The following DHRSX variants were observed in gnomAD, a reference collection of about 807,000 sequenced individuals.
DHRSX encodes polyprenol dehydrogenase.
Under a neutral mutation model 34.0 loss-of-function variants are expected in DHRSX, and 31 were observed. The ratio of observed to expected loss-of-function variants is 0.91; its 90% confidence interval spans 0.69 to 1.23. The LOEUF (loss-of-function observed/expected upper bound fraction) is 1.23. Among genes scored for constraint, DHRSX ranks in the 50% most tolerant of loss-of-function variants. The probability of loss-of-function intolerance (pLI) is 0.00; values close to 1 mark genes in which losing one functional copy is unlikely to be tolerated. For missense variants in DHRSX, 414 were observed against 428.1 expected, an observed-to-expected ratio of 0.97 and a Z score of 0.29; for synonymous variants, 201 against 183.8, an observed-to-expected ratio of 1.09 and a Z score of -0.76.
At position 2,440,954 on chromosome X, in the gene DHRSX, T is replaced by C. The variant is rs181777813; in HGVS notation, c.110-15650A>G. 7.4e-3 allele frequency among the ~76,000 whole-genome samples: 1,131 copies of C among 152,286 alleles called. 33 individuals are homozygous for C. The highest frequency in any genetic ancestry group is 0.028 in the East Asian group (147 of 5,164). ...AGCAACGCTGTAACCAGCCCTGTCC[T>C]GACTGAGGCAGCCGAATGAGAATCA... On this transcript the variant is annotated intron_variant, in intron 1 of 6. Coordinates refer to ENST00000334651, the MANE Select transcript of DHRSX (RefSeq NM_145177.3).
chrX:2,437,696 A>AGTGTGTGTGT (rs1321073330), intron 1 of DHRSX, among the ~76,000 whole-genome samples: 1 of 92,266 alleles, frequency 1.1e-5, no homozygotes, highest in African/African-American at 4.0e-5. Context: ...AGAGAGAGAG[A>AGTGTGTGTGT]GAGTGTGTGT....
chrX:2,401,829 G>A (rs1268949894), intron 3 of DHRSX, among the ~76,000 whole-genome samples: 1 of 152,184 alleles, frequency 6.6e-6, no homozygotes, highest in Non-Finnish European at 1.5e-5. Flanking sequence ...GTGATGATAA[G>A]GAGTGAAAAC....
At position 2,376,160 on chromosome X, in the gene DHRSX, C is replaced by A. The variant is rs1569495181; in HGVS notation, c.286+32585G>T. Among the ~76,000 whole-genome samples, 2 of 137,504 alleles carry A rather than the reference C, an allele frequency of 1.5e-5. 1 individual carries two copies. The highest frequency in any genetic ancestry group is 3.4e-5 in the Non-Finnish European group (2 of 58,396). 90.2% of individuals were successfully genotyped at this position (137,504 alleles called of 152,430 possible). On this transcript the variant is annotated intron_variant, in intron 3 of 6. Transcript: ENST00000334651. ...GAGGAAACGCAGAATTTGGCGAACA[C>A]GTGAAGTCTTTTTTCGCTAAATCTA...
Position 2,484,900 on chromosome X carries a change from C to T in DHRSX, c.109+15917G>A, listed in dbSNP as rs181556824. Reference sequence around the variant, plus strand: ...CAAATGAACGTCACCACCGAGATTTCGGCACCCCAGAAACAGCCCAACCGG... The same window carrying T: ...CAAATGAACGTCACCACCGAGATTTTGGCACCCCAGAAACAGCCCAACCGG... On this transcript the variant is annotated intron_variant, in intron 1 of 6. Transcript: ENST00000334651. Among the ~76,000 whole-genome samples the T allele has an allele frequency of 2.1e-3, 322 of 152,214 alleles. 5 individuals carry two copies. Among genetic ancestry groups the T allele is most frequent in the Admixed American group, 2.0e-3 (30 of 15,288 alleles).
intron 1 of DHRSX, among the ~76,000 whole-genome samples, chrX:2,464,371 G>A (rs773812125): frequency 2.9e-5 from 2 of 68,854 alleles, no homozygotes. Context: ...ACACACTGAA[G>A]ACGTTCCCTA....
intron 5 of DHRSX, 52 bp downstream of exon 5, chrX:2,266,687 TA>T: frequency 1.3e-6 from 2 of 1,560,224 alleles, no homozygotes; most frequent in Non-Finnish European, 1.8e-6. Context: ...GGGAGATGAA[TA>T]ACCTTTAACC....
intron 1 of DHRSX, among the ~76,000 whole-genome samples, chrX:2,435,930 C>T (rs1463571591): frequency 6.6e-6 from 1 of 152,208 alleles, no homozygotes; most frequent in Non-Finnish European, 1.5e-5. Context: ...CGCAGTGGCT[C>T]ACGCCTGTAA....
rs1359437987 is a variant in DHRSX, at chrX:2,449,121, G to A, written c.110-23817C>T. Among the ~76,000 whole-genome samples, 8 of 152,108 alleles carry A rather than the reference G, an allele frequency of 5.3e-5. No individual in the cohort carries two copies. The East Asian group carries it at 1.5e-3, about 29-fold the overall frequency. On this transcript the variant is annotated intron_variant, in intron 1 of 6. Coordinates refer to ENST00000334651, the MANE Select transcript of DHRSX (RefSeq NM_145177.3). Reference sequence around the variant, plus strand: ...GGAGAATGGCTTGAACCCAGGAGGTGGAGGTTGCAGTGAGCTAAGATCGCA... The same window carrying A: ...GGAGAATGGCTTGAACCCAGGAGGTAGAGGTTGCAGTGAGCTAAGATCGCA...
At chrX:2,288,934 T>A (rs760955471) in intron 4 of DHRSX, among the ~76,000 whole-genome samples, 1 of 152,162 alleles carries the variant, frequency 6.6e-6, no homozygotes, top group African/African-American at 2.4e-5. Context: ...AGGAATGCAA[T>A]AGCCATTTCA....
chrX:2,259,489 T>C (rs1382964787), intron 5 of DHRSX, among the ~76,000 whole-genome samples: 1 of 151,996 alleles, frequency 6.6e-6, no homozygotes, highest in Middle Eastern at 3.2e-3. Context: ...GGCTCTGAGC[T>C]GGCTCTGGCT....
At chrX:2,471,817 G>A (rs915556297) in intron 1 of DHRSX, among the ~76,000 whole-genome samples, 14 of 152,042 alleles carry the variant, frequency 9.2e-5, no homozygotes, top group African/African-American at 3.1e-4. Flanking sequence ...AAAGGGTGGT[G>A]CATATACACT....
At chrX:2,429,707 C>T (rs1363615507) in intron 1 of DHRSX, among the ~76,000 whole-genome samples, 1 of 152,018 alleles carries the variant, frequency 6.6e-6, no homozygotes, top group Non-Finnish European at 1.5e-5. Context: ...CCTCCCACCC[C>T]GGCCTCCCAA....
At chrX:2,362,909 T>C (rs2042951404) in intron 3 of DHRSX, among the ~76,000 whole-genome samples, 1 of 123,494 alleles carries the variant, frequency 8.1e-6, no homozygotes, top group Non-Finnish European at 1.9e-5. Flanking sequence ...CACCGTTCTA[T>C]GGTATCATGC....
intron 4 of DHRSX, among the ~76,000 whole-genome samples, chrX:2,287,102 T>C (rs1190570329): frequency 6.6e-6 from 1 of 152,246 alleles, no homozygotes; most frequent in African/African-American, 2.4e-5. Flanking sequence ...ATGATTTCTA[T>C]GAGGTCAAGA....
intron 5 of DHRSX, among the ~76,000 whole-genome samples, chrX:2,248,634 A>G (rs2016358888): frequency 8.3e-6 from 1 of 119,886 alleles, no homozygotes; most frequent in South Asian, 2.6e-4. Flanking sequence ...AAAGAAAAAG[A>G]AAAGAAAAGA....
intron 1 of DHRSX, among the ~76,000 whole-genome samples, chrX:2,485,635 GA>G (rs2044875424): frequency 1.0e-5 from 1 of 97,960 alleles, no homozygotes; most frequent in African/African-American, 4.4e-5. Flanking sequence ...AGGGAGGGAG[GA>G]GAGGGAAGGA....
At position 2,414,471 on chromosome X, in the gene DHRSX, C is replaced by T. The variant is rs972496566; in HGVS notation, c.218-5658G>A. Among the ~76,000 whole-genome samples, 32 of 152,062 alleles carry T rather than the reference C, an allele frequency of 2.1e-4. No individual in the cohort carries two copies. The South Asian group carries it at 2.5e-3, about 12-fold the overall frequency. On this transcript the variant is annotated intron_variant, in intron 2 of 6. Coordinates refer to ENST00000334651, the MANE Select transcript of DHRSX (RefSeq NM_145177.3). The stretch of plus-strand genomic sequence containing the variant: ...TAACCAAACTAGACTTCATCATAAC[C>T]TAACCAAACTAGACCTCATCACGAC...
intron 2 of DHRSX, among the ~76,000 whole-genome samples, chrX:2,413,563 G>T (rs1210421528): frequency 1.3e-5 from 2 of 152,020 alleles, no homozygotes. Context: ...ACTTGTTTTT[G>T]TCTATTAAAA....
chrX:2,244,273 C>A (rs2016225942), intron 5 of DHRSX, among the ~76,000 whole-genome samples: 2 of 150,308 alleles, frequency 1.3e-5, no homozygotes, highest in Admixed American at 6.8e-5. Context: ...AAAAATCGAT[C>A]CGATAACCGC....
Sources: gnomAD v4.1 joint callset for allele counts (sites outside exome capture counted in the v4.1 genomes callset) on GRCh38, gnomAD v4.1.1 for gene constraint, MANE v1.5 for transcripts, NCBI Gene and HGNC (gene_info 2026-07-23, HGNC 2026-07-21) for gene names.